Variants in ZMYM2 observed in about 807,000 individuals in gnomAD.
ZMYM2 encodes zinc finger MYM-type containing 2.
ZMYM2 carries 56 observed loss-of-function variants against 162.8 expected under a neutral mutation model. The observed-to-expected ratio is 0.34, with a 90% CI of 0.28 to 0.43. The LOEUF (loss-of-function observed/expected upper bound fraction) is 0.43. Among genes scored for constraint, ZMYM2 ranks in the 20% least tolerant of loss-of-function variants. The pLI is 1.00. For synonymous variants in ZMYM2, 510 were observed against 541.6 expected (o/e 0.94, Z 0.81); for missense variants, 1,275 against 1,621.8 (o/e 0.79, Z 3.67).
At chr13:19,917,595 T>TAA in the ZMYM2 span, among the ~76,000 whole-genome samples, 1 of 76,728 alleles carries the variant, frequency 1.3e-5, no homozygotes, top group Non-Finnish European at 3.4e-5. Context: ...CATCTCAAAT[T>TAA]TAAAAAAAAA....
intron 24 of ZMYM2, among the ~76,000 whole-genome samples, chr13:20,084,434 C>T (rs780281543): frequency 6.6e-6 from 1 of 152,144 alleles, no homozygotes; most frequent in Admixed American, 6.5e-5. Flanking sequence ...TGTAACTAAT[C>T]GGTTCTCTTG....
the ZMYM2 span, among the ~76,000 whole-genome samples, chr13:19,914,067 G>C: frequency 1.5e-4 from 23 of 152,330 alleles, no homozygotes; most frequent in Non-Finnish European, 2.4e-4. Context: ...GAAATGGCCA[G>C]ATGTATAATT....
the ZMYM2 span, among the ~76,000 whole-genome samples, chr13:19,949,248 A>G: frequency 1.3e-5 from 2 of 152,194 alleles, no homozygotes; most frequent in Admixed American, 1.3e-4. Flanking sequence ...CATCTCTGCT[A>G]CATACAAAAA....
chr13:20,053,198 A>C (rs1175693369), intron 14 of ZMYM2, among the ~76,000 whole-genome samples: 2 of 152,184 alleles, frequency 1.3e-5, no homozygotes, highest in Admixed American at 1.3e-4. Flanking sequence ...TCCTTATCCG[A>C]GGGAAGCTCT....
At chr13:20,079,668 A>T (rs1287720824) in intron 21 of ZMYM2, among the ~76,000 whole-genome samples, 2 of 148,254 alleles carry the variant, frequency 1.3e-5, no homozygotes, top group Non-Finnish European at 3.1e-5. Flanking sequence ...TTTGTAATTC[A>T]TTCTGTAACA....
the ZMYM2 span, among the ~76,000 whole-genome samples, chr13:19,912,475 G>A: frequency 6.6e-6 from 1 of 151,938 alleles, no homozygotes; most frequent in Non-Finnish European, 1.5e-5. Context: ...TGGGACTACA[G>A]GTGTTCACCA....
At chr13:20,048,440 A>AT (rs1446296845) in intron 12 of ZMYM2, among the ~76,000 whole-genome samples, 1 of 151,980 alleles carries the variant, frequency 6.6e-6, no homozygotes, top group Non-Finnish European at 1.5e-5. Flanking sequence ...TTTAAAAAAA[A>AT]TTTGTAGCGA....
rs557142117 is a variant in ZMYM2, at chr13:19,993,212, A to G, written c.140A>G (p.Asn47Ser). 4.2e-5 allele frequency: 67 copies of G among 1,614,020 alleles called. No individual in the cohort carries two copies. The South Asian group carries it at 6.3e-4, about 15-fold the overall frequency. The part of the protein sequence containing the change: ...GPANPLVSRS[N>S]KFQNSSVEDD... ...GCTAATCCTTTAGTGTCTAGATCTA[A>G]TAAGTTTCAGAACTCGTCAGTGGAA... is the stretch of plus-strand genomic sequence containing the variant. The change falls in exon 3 of 25, where the codon AAT becomes AGT. Residue 47 changes from asparagine to serine, a missense_variant. Transcript: ENST00000610343.
the ZMYM2 span, among the ~76,000 whole-genome samples, chr13:19,877,349 A>G: frequency 6.6e-6 from 1 of 152,180 alleles, no homozygotes; most frequent in African/African-American, 2.4e-5. Context: ...GTGGAAAGGG[A>G]GTAGACATGT....
Position 20,082,854 on chromosome 13 carries a change from T to A in ZMYM2, c.3642T>A (p.Ala1214=). Residue 1214 remains alanine, a synonymous_variant, in exon 23 of 25, where the codon GCT becomes GCA. Coordinates refer to ENST00000610343, the MANE Select transcript of ZMYM2 (RefSeq NM_197968.4). ...AACTAGGATCACACTCTCCAGTAGCTCTTCTGAATACACTGTTCTACTTTA... is the reference window on the plus strand; with the variant it reads ...AACTAGGATCACACTCTCCAGTAGCACTTCTGAATACACTGTTCTACTTTA... ...IKQLGSHSPV[A]LLNTLFYFNT... is the part of the protein sequence containing the mutation. 1 of 1,613,898 alleles carries A rather than the reference T, an allele frequency of 6.2e-7. No individual in the cohort carries two copies. The highest frequency in any genetic ancestry group is 8.5e-7 in the Non-Finnish European group (1 of 1,179,836).
intron 6 of ZMYM2, among the ~76,000 whole-genome samples, chr13:20,015,926 A>G (rs10162233): frequency 0.1 from 15,409 of 152,094 alleles, 1,287 homozygotes; most frequent in African/African-American, 0.22. Context: ...GGATCAAATT[A>G]TCCGATCAAA....
At chr13:19,965,777 T>TA (rs1403079415) in intron 2 of ZMYM2, among the ~76,000 whole-genome samples, 11 of 146,226 alleles carry the variant, frequency 7.5e-5, no homozygotes, top group Non-Finnish European at 1.2e-4. Context: ...AATTCTTTTT[T>TA]TTTTTTTTTT....
chr13:19,962,458 G>A (rs374393029), intron 2 of ZMYM2, among the ~76,000 whole-genome samples: 14 of 140,336 alleles, frequency 1.0e-4, no homozygotes, highest in East Asian at 6.2e-4. Context: ...AATAAATGTC[G>A]TTGATTATGA....
At chr13:20,084,253 T>C (rs1958097799) in intron 24 of ZMYM2, among the ~76,000 whole-genome samples, 1 of 152,184 alleles carries the variant, frequency 6.6e-6, no homozygotes, top group South Asian at 2.1e-4. Flanking sequence ...CCTCAAGCCA[T>C]CCTCGTGCCT....
chr13:20,011,573 G>GTTTTTTTTTTTT (rs764404253), intron 6 of ZMYM2, among the ~76,000 whole-genome samples: 9 of 144,204 alleles, frequency 6.2e-5, no homozygotes, highest in South Asian at 2.2e-4. Flanking sequence ...TTATTTTTTT[G>GTTTTTTTTTTTT]TTTTATTTTT....
chr13:20,009,773 CATT>C (rs1330587849), intron 6 of ZMYM2, among the ~76,000 whole-genome samples: 1 of 152,158 alleles, frequency 6.6e-6, no homozygotes, highest in African/African-American at 2.4e-5. Context: ...GAATAGTATT[CATT>C]ATATGTATAT....
At chr13:19,996,289 CAA>C (rs1019798516) in intron 3 of ZMYM2, among the ~76,000 whole-genome samples, 7 of 152,264 alleles carry the variant, frequency 4.6e-5, no homozygotes, top group African/African-American at 1.4e-4. Flanking sequence ...TAATTTAAAA[CAA>C]GAGCTGGTGC....
At chr13:20,052,006 T>C (rs1195673572) in intron 13 of ZMYM2, among the ~76,000 whole-genome samples, 1 of 152,118 alleles carries the variant, frequency 6.6e-6, no homozygotes, top group Non-Finnish European at 1.5e-5. Flanking sequence ...AAAAAAAATA[T>C]CATTTAAGAT....
At chr13:20,082,517 TAC>T (rs1276813018) in intron 22 of ZMYM2, among the ~76,000 whole-genome samples, 1 of 152,198 alleles carries the variant, frequency 6.6e-6, no homozygotes, top group Non-Finnish European at 1.5e-5. Context: ...TAAAAGGATT[TAC>T]ACTGTTTTCT....
Sources: allele counts gnomAD v4.1 joint callset (sites outside exome capture counted in the v4.1 genomes callset), GRCh38; gene constraint gnomAD v4.1.1; transcripts MANE v1.5; gene names NCBI Gene and HGNC (gene_info 2026-07-23, HGNC 2026-07-21).